Variants in HMMR observed in about 807,000 individuals in gnomAD.
HMMR encodes hyaluronan mediated motility receptor, also known as intracellular hyaluronic acid-binding protein.
Under a neutral mutation model 101.0 loss-of-function variants are expected in HMMR, and 108 were observed. That is an observed-to-expected ratio of 1.07 (90% CI 0.92 to 1.25). The LOEUF is 1.25. Ranked by LOEUF, HMMR falls within the 50% of genes most tolerant of loss-of-function variation. The pLI, the probability that HMMR is intolerant of heterozygous loss-of-function variation, is 0.00. For missense variants in HMMR, 813 were observed against 788.7 expected (o/e 1.03, Z -0.37); for synonymous variants, 296 against 276.4 (o/e 1.07, Z -0.70).
chr5:163,484,575 C>T (rs1345419253), intron 16 of HMMR, among the ~76,000 whole-genome samples: 1 of 152,120 alleles, frequency 6.6e-6, no homozygotes, highest in Non-Finnish European at 1.5e-5. Context: ...AATATTTGGG[C>T]ATTTAAATTT....
chr5:163,460,794 T>C (rs1758496592), intron 1 of HMMR, 56 bp downstream of exon 1: 2 of 1,511,182 alleles, frequency 1.3e-6, no homozygotes, highest in Non-Finnish European at 1.8e-6. Context: ...CCTTTGCCTC[T>C]TTCAGCTCCC....
At chr5:163,480,466 A>G (rs1759218448) in intron 12 of HMMR, among the ~76,000 whole-genome samples, 1 of 152,136 alleles carries the variant, frequency 6.6e-6, no homozygotes, top group Non-Finnish European at 1.5e-5. Context: ...TTATTTATTC[A>G]TTCTTTGGAC....
chr5:163,461,752 C>T (rs1043480509), intron 1 of HMMR, among the ~76,000 whole-genome samples: 1 of 151,740 alleles, frequency 6.6e-6, no homozygotes, highest in African/African-American at 2.4e-5. Context: ...CACTGCACTC[C>T]AGCCTGGGCG....
chr5:163,468,349 T>C (rs1233301236), intron 4 of HMMR, among the ~76,000 whole-genome samples: 1 of 152,346 alleles, frequency 6.6e-6, no homozygotes, highest in East Asian at 1.9e-4. Context: ...GCTACCATAC[T>C]GGACAGGGCA....
At chr5:163,466,215 C>T (rs999626277) in intron 3 of HMMR, among the ~76,000 whole-genome samples, 13 of 150,674 alleles carry the variant, frequency 8.6e-5, no homozygotes, top group Middle Eastern at 3.6e-3. Context: ...TGCAGTGAGC[C>T]GAGAGATTGC....
chr5:163,483,754 A>C (rs1486043634), intron 15 of HMMR, among the ~76,000 whole-genome samples: 2 of 152,152 alleles, frequency 1.3e-5, no homozygotes, highest in Non-Finnish European at 2.9e-5. Context: ...ATCTTTTAAA[A>C]GAAAAAAGAA....
rs1759152530 is a variant in HMMR at position 163,478,715 on chromosome 5, G to A, written c.1300G>A (p.Ala434Thr). ...KEAELEKSSA[A>T]HTQATLLLQE... is the part of the protein sequence containing the mutation. ...GGCTGAACTGGAGAAAAGTAGTGCT[G>A]CTCATACCCAGGCCACCCTGCTTTT... The change falls in exon 12 of 18, where the codon GCT becomes ACT. Residue 434 changes from alanine (A) to threonine (T), a missense_variant. Transcript: ENST00000393915. The A allele has an allele frequency of 1.2e-6, 2 of 1,612,956 alleles. No individual in the cohort carries two copies. The highest frequency in any genetic ancestry group is 1.7e-6 in the Non-Finnish European group (2 of 1,179,066).
chr5:163,473,467 C>T lies in HMMR; in HGVS notation c.814C>T (p.Leu272Phe). 6.2e-7 allele frequency: 1 copy of T among 1,603,926 alleles called. No homozygotes were observed. The highest frequency in any genetic ancestry group is 8.5e-7 in the Non-Finnish European group (1 of 1,171,854). The change falls in exon 9 of 18, where the codon CTT becomes TTT. Residue 272 changes from leucine to phenylalanine, a missense_variant. Transcript: ENST00000393915. The part of the protein sequence containing the change: ...LKEKNDEILS[L>F]KQSLEENIVI... ...AGAGAAGAATGATGAAATTTTAAGC[C>T]TTAAGCAGTCTCTTGAGGAGAATAT...
intron 11 of HMMR, among the ~76,000 whole-genome samples, chr5:163,475,968 T>C (rs960477921): frequency 6.6e-6 from 1 of 152,126 alleles, no homozygotes; most frequent in Non-Finnish European, 1.5e-5. Flanking sequence ...TTTACACTTC[T>C]TTACTACTCT....
At chr5:163,482,587 A>C in intron 12 of HMMR, 55 bp from the exon 13 acceptor site, 2 of 1,282,046 alleles carry the variant, frequency 1.6e-6, no homozygotes, top group Non-Finnish European at 2.2e-6. Context: ...ATCAGTTATG[A>C]TTGTCATACG....
chr5:163,490,131 C>T (rs985953078), intron 16 of HMMR, among the ~76,000 whole-genome samples: 1 of 152,146 alleles, frequency 6.6e-6, no homozygotes, highest in Non-Finnish European at 1.5e-5. Context: ...TCAGCAATTA[C>T]TTTTGAGTTG....
chr5:163,476,227 G>A (rs1001784730), intron 11 of HMMR, among the ~76,000 whole-genome samples: 1 of 152,036 alleles, frequency 6.6e-6, no homozygotes, highest in East Asian at 1.9e-4. Context: ...TGTGGGAGGA[G>A]AATCACTTAA....
chr5:163,461,200 C>G (rs1039730870), intron 1 of HMMR, among the ~76,000 whole-genome samples: 1 of 152,118 alleles, frequency 6.6e-6, no homozygotes, highest in African/African-American at 2.4e-5. Flanking sequence ...ATTAGAGCAG[C>G]AGCACTTATT....
chr5:163,483,016 A>G lies in HMMR; in HGVS notation c.1533-4A>G. 1.3e-6 allele frequency: 2 copies of G among 1,581,664 alleles called. No homozygotes were observed. The highest frequency in any genetic ancestry group is 1.7e-6 in the Non-Finnish European group (2 of 1,170,042). On this transcript the variant is annotated splice_polypyrimidine_tract_variant and splice_region_variant and intron_variant, in intron 13 of 17. Coordinates refer to ENST00000393915, the MANE Select transcript of HMMR (RefSeq NM_001142556.2). ...TTAGTGACCTCTTCTCTCTCAAACC[A>G]AAGGATGCTTCTAGATCTGCAGACC...
chr5:163,462,721 G>A (rs771777534), intron 1 of HMMR, among the ~76,000 whole-genome samples: 13 of 151,298 alleles, frequency 8.6e-5, no homozygotes, highest in Non-Finnish European at 1.2e-4. Flanking sequence ...CCAGCTACTC[G>A]GGAGGCTGAG....
At chr5:163,460,783 C>G in intron 1 of HMMR, 45 bp downstream of exon 1, 1 of 1,557,482 alleles carries the variant, frequency 6.4e-7, no homozygotes, top group Non-Finnish European at 8.8e-7. Context: ...CGCCCTAACG[C>G]CCTTTGCCTC....
intron 1 of HMMR, among the ~76,000 whole-genome samples, chr5:163,461,803 G>T (rs1758545518): frequency 6.6e-6 from 1 of 151,900 alleles, no homozygotes; most frequent in African/African-American, 2.4e-5. Flanking sequence ...AAAAAATGCT[G>T]TATGCTGGGA....
rs1256099185 is a variant in HMMR at position 163,491,414 on chromosome 5, C to A, written c.*250C>A. The A allele has an allele frequency of 2.9e-6, 1 of 340,988 alleles. No individual in the cohort carries two copies. Among genetic ancestry groups the A allele is most frequent in the Non-Finnish European group, 5.3e-6 (1 of 189,676 alleles). 21.1% of individuals were successfully genotyped at this position (340,988 alleles called of 1,614,324 possible). ...TTCGCTGGCTTTCCAGCTTAGAATG[C>A]ATCTCATCAACTTAAAAGTCAGTAT... On this transcript the variant is annotated 3_prime_UTR_variant, in exon 18 of 18. Coordinates refer to ENST00000393915, the MANE Select transcript of HMMR (RefSeq NM_001142556.2).
intron 4 of HMMR, among the ~76,000 whole-genome samples, chr5:163,468,998 A>G (rs1758783766): frequency 6.6e-6 from 1 of 152,104 alleles, no homozygotes; most frequent in Non-Finnish European, 1.5e-5. Context: ...AACATTTAGC[A>G]TTTTAAGCTA....
Sources: allele counts gnomAD v4.1 joint callset (sites outside exome capture counted in the v4.1 genomes callset), GRCh38; gene constraint gnomAD v4.1.1; transcripts MANE v1.5; gene names NCBI Gene and HGNC (gene_info 2026-07-23, HGNC 2026-07-21).